XRN2: variants seen among roughly 807,000 people sequenced by gnomAD.
XRN2 encodes 5'-3' exoribonuclease 2, also known as DHM1-like protein.
Under a neutral mutation model 138.5 loss-of-function variants are expected in XRN2, and 44 were observed. The ratio of observed to expected loss-of-function variants is 0.32; its 90% CI spans 0.25 to 0.41. The LOEUF (loss-of-function observed/expected upper bound fraction) is 0.41, where lower values mean the gene tolerates loss of function less well. Among genes scored for constraint, XRN2 ranks in the 10% least tolerant of loss-of-function variants. The pLI is 1.00. For synonymous variants in XRN2, 354 were observed against 369.4 expected (o/e 0.96, Z 0.48); for missense variants, 937 against 1,169.3 (o/e 0.80, Z 2.90).
intron 4 of XRN2, among the ~76,000 whole-genome samples, chr20:21,328,992 T>C (rs1237458001): frequency 6.6e-6 from 1 of 152,158 alleles, no homozygotes; most frequent in Non-Finnish European, 1.5e-5. Context: ...ATAGTAAGTA[T>C]TTTTTACTAC....
intron 21 of XRN2, among the ~76,000 whole-genome samples, chr20:21,355,838 T>C (rs1467356357): frequency 6.6e-6 from 1 of 152,154 alleles, no homozygotes; most frequent in Non-Finnish European, 1.5e-5. Flanking sequence ...TTTCTTTGTG[T>C]TGGGAACATT....
intron 27 of XRN2, among the ~76,000 whole-genome samples, chr20:21,369,251 T>C (rs1477613714): frequency 2.6e-5 from 4 of 152,220 alleles, no homozygotes; most frequent in African/African-American, 9.6e-5. Context: ...GATCTCATTC[T>C]TTTTTGTGGC....
intron 28 of XRN2, 23 bp from the exon 29 acceptor site, chr20:21,386,845 G>A (rs889402715): frequency 1.2e-6 from 2 of 1,600,820 alleles, no homozygotes; most frequent in African/African-American, 1.3e-5. Flanking sequence ...GGCTTCTGAT[G>A]TAAAACTGGT....
intron 29 of XRN2, 105 bp downstream of exon 29, chr20:21,387,111 AG>A: frequency 7.1e-7 from 1 of 1,408,826 alleles, no homozygotes; most frequent in Non-Finnish European, 9.5e-7. Context: ...ACACTGATAG[AG>A]TAGCTTAGAG....
chr20:21,327,430 G>A (rs1300244568), intron 3 of XRN2, among the ~76,000 whole-genome samples: 1 of 152,092 alleles, frequency 6.6e-6, no homozygotes, highest in African/African-American at 2.4e-5. Flanking sequence ...GATGATTTTG[G>A]AAATTCAGAG....
chr20:21,353,339 A>G (rs2038536480), intron 20 of XRN2, among the ~76,000 whole-genome samples: 1 of 149,312 alleles, frequency 6.7e-6, no homozygotes, highest in African/African-American at 2.5e-5. Flanking sequence ...TCTTAAGTGT[A>G]TGACTAAATA....
At chr20:21,374,401 T>A (rs1222132427) in intron 27 of XRN2, among the ~76,000 whole-genome samples, 1 of 152,178 alleles carries the variant, frequency 6.6e-6, no homozygotes, top group Non-Finnish European at 1.5e-5. Flanking sequence ...CAATCAGTTT[T>A]AAGGGGGAGA....
Position 21,356,167 on chromosome 20 carries a change from G to A in XRN2, c.2108G>A (p.Gly703Asp). 6.2e-7 allele frequency: 1 copy of A among 1,607,572 alleles called. No homozygotes were observed. Among genetic ancestry groups the A allele is most frequent in the Non-Finnish European group, 8.5e-7 (1 of 1,177,280 alleles). The change falls in exon 22 of 30, where the codon GGT becomes GAT. Residue 703 changes from glycine (G) to aspartate (D), a missense_variant. Physicochemically the swap from Gly to Asp is moderately conservative, Grantham distance 94. Transcript: ENST00000377191. ...TTCATTTTAGAGCTGTACCAGACAG[G>A]TTCCACAGAGGTATGTTACGCAATT... ...HDFILELYQT[G>D]STEPVEVPPE...
intron 20 of XRN2, among the ~76,000 whole-genome samples, chr20:21,353,749 C>T (rs1012861919): frequency 4.8e-5 from 7 of 146,946 alleles, no homozygotes; most frequent in African/African-American, 1.3e-4. Flanking sequence ...GAGCAATGAT[C>T]GTGCCACTGC....
intron 27 of XRN2, among the ~76,000 whole-genome samples, chr20:21,380,502 C>A (rs995355398): frequency 6.6e-6 from 1 of 152,146 alleles, no homozygotes; most frequent in Non-Finnish European, 1.5e-5. Flanking sequence ...AGTGTATAGT[C>A]TGTAGTAATG....
At chr20:21,326,733 A>G (rs1380752289) in intron 3 of XRN2, 132 bp downstream of exon 3, 8 of 712,772 alleles carry the variant, frequency 1.1e-5, no homozygotes, top group African/African-American at 1.1e-4. Context: ...CTCATCCTTC[A>G]GTCATTCATT....
intron 24 of XRN2, among the ~76,000 whole-genome samples, chr20:21,365,125 C>G (rs984717585): frequency 1.3e-5 from 2 of 152,162 alleles, no homozygotes; most frequent in Non-Finnish European, 2.9e-5. Context: ...TTGTAAACCT[C>G]TTCGACCTGT....
At chr20:21,367,690 A>G (rs1170876612) in intron 26 of XRN2, among the ~76,000 whole-genome samples, 3 of 152,184 alleles carry the variant, frequency 2.0e-5, no homozygotes, top group African/African-American at 7.2e-5. Flanking sequence ...GGTAGTTCCT[A>G]AACACTATGT....
intron 9 of XRN2, among the ~76,000 whole-genome samples, chr20:21,332,744 A>G (rs1013956228): frequency 2.6e-5 from 4 of 152,126 alleles, no homozygotes; most frequent in Non-Finnish European, 5.9e-5. Context: ...ATTCAAAAAC[A>G]TGCACACACT....
Position 21,387,019 on chromosome 20 carries a change from G to C in XRN2, c.2787+13G>C. ...TGGAGGGAGACAGGTAAATGGTTGT[G>C]GGATGAAAAGTATACTGCTCACTTT... is the stretch of plus-strand genomic sequence containing the variant. On this transcript the variant is annotated intron_variant, in intron 29 of 29. Transcript: ENST00000377191. The C allele has an allele frequency of 6.2e-7, 1 of 1,601,232 alleles. No homozygotes were observed. The highest frequency in any genetic ancestry group is 1.1e-5 in the South Asian group (1 of 90,588).
intron 1 of XRN2, among the ~76,000 whole-genome samples, chr20:21,308,009 T>C (rs1479004286): frequency 1.3e-5 from 1 of 75,854 alleles, no homozygotes; most frequent in African/African-American, 3.6e-5. Context: ...CGATCTCGGC[T>C]CACTGCAACC....
chr20:21,309,654 T>C (rs1267313520), intron 1 of XRN2, among the ~76,000 whole-genome samples: 1 of 152,176 alleles, frequency 6.6e-6, no homozygotes, highest in African/African-American at 2.4e-5. Context: ...CTGATCTAAG[T>C]AGTTGAATTG....
At chr20:21,350,103 T>A (rs936470719) in intron 20 of XRN2, among the ~76,000 whole-genome samples, 1 of 152,252 alleles carries the variant, frequency 6.6e-6, no homozygotes, top group Non-Finnish European at 1.5e-5. Flanking sequence ...ATGTTGATCA[T>A]TACTTTTCCT....
At chr20:21,320,992 T>C (rs2038034267) in intron 1 of XRN2, among the ~76,000 whole-genome samples, 1 of 152,106 alleles carries the variant, frequency 6.6e-6, no homozygotes, top group Non-Finnish European at 1.5e-5. Context: ...CCAGTTGCTC[T>C]TCACCATAGC....
Sources: allele counts gnomAD v4.1 joint callset (sites outside exome capture counted in the v4.1 genomes callset), GRCh38; gene constraint gnomAD v4.1.1; transcripts MANE v1.5; gene names NCBI Gene and HGNC (gene_info 2026-07-23, HGNC 2026-07-21).